Variants in ABCC12 observed in about 807,000 individuals in gnomAD.
ABCC12 encodes ATP-binding cassette sub-family C member 12.
ABCC12 carries 142 observed loss-of-function variants against 151.1 expected under a neutral mutation model. The ratio of observed to expected loss-of-function variants is 0.94; its 90% CI spans 0.82 to 1.08. The LOEUF is 1.08. Ranked by LOEUF, ABCC12 falls within the 50% of genes least tolerant of loss-of-function variation. ABCC12 has a pLI of 0.00. For synonymous variants in ABCC12, 645 were observed against 646.4 expected (o/e 1.00, Z 0.03); for missense variants, 1,638 against 1,691.1 (o/e 0.97, Z 0.55).
At chr16:48,121,991 G>A (rs776866608) in intron 12 of ABCC12, 151 bp from the exon 13 acceptor site, 9 of 1,144,120 alleles carry the variant, frequency 7.9e-6, no homozygotes, top group Non-Finnish European at 9.7e-6. Context: ...GCACCAGAAA[G>A]CCCAACCATG....
chr16:48,125,591 T>C (rs1313521658), intron 11 of ABCC12, among the ~76,000 whole-genome samples: 2 of 152,188 alleles, frequency 1.3e-5, no homozygotes, highest in Non-Finnish European at 2.9e-5. Flanking sequence ...ATGTGGAGAC[T>C]GACGTGTAAG....
intron 24 of ABCC12, among the ~76,000 whole-genome samples, chr16:48,092,190 G>A (rs1428759776): frequency 6.6e-6 from 1 of 152,244 alleles, no homozygotes; most frequent in Non-Finnish European, 1.5e-5. Context: ...CTTGTTTGAA[G>A]CCTGCAAGCA....
intron 8 of ABCC12, among the ~76,000 whole-genome samples, chr16:48,135,991 C>A (rs1373401139): frequency 6.6e-6 from 1 of 151,926 alleles, no homozygotes; most frequent in Admixed American, 6.6e-5. Flanking sequence ...CTCTGCTCAA[C>A]ACTTCACAGG....
chr16:48,111,724 T>C (rs1963698420), intron 16 of ABCC12, 52 bp downstream of exon 16: 1 of 1,613,998 alleles, frequency 6.2e-7, no homozygotes, highest in South Asian at 1.1e-5. Context: ...AGGCACGAAA[T>C]CCTGAGGGAT....
At chr16:48,133,587 G>T in intron 9 of ABCC12, 100 bp downstream of exon 9, 12 of 1,324,098 alleles carry the variant, frequency 9.1e-6, no homozygotes, top group African/African-American at 1.5e-5. Context: ...ATGATTGGAT[G>T]TTCCTAATGC....
chr16:48,085,762 G>A, intron 28 of ABCC12, 56 bp from the exon 29 acceptor site: 2 of 1,435,624 alleles, frequency 1.4e-6, no homozygotes, highest in Non-Finnish European at 2.0e-6. Context: ...ATTGTCCTAT[G>A]CTGTCTGTAT....
At chr16:48,092,430 A>C (rs1405935045) in intron 24 of ABCC12, among the ~76,000 whole-genome samples, 4 of 152,242 alleles carry the variant, frequency 2.6e-5, no homozygotes, top group African/African-American at 9.6e-5. Flanking sequence ...CAGGGTACAC[A>C]GGGCTACAGA....
chr16:48,154,370 AT>A (rs1421260451), intron 1 of ABCC12, among the ~76,000 whole-genome samples: 1 of 152,110 alleles, frequency 6.6e-6, no homozygotes, highest in East Asian at 1.9e-4. Flanking sequence ...GAGATACCAC[AT>A]TAAAAAAAAA....
chr16:48,141,476 T>G, intron 4 of ABCC12, 123 bp from the exon 5 acceptor site: 1 of 1,277,218 alleles, frequency 7.8e-7, no homozygotes, highest in Non-Finnish European at 1.1e-6. Context: ...AGTGGTGCCT[T>G]CCAGCACTGG....
chr16:48,114,143 G>A (rs1963794927), intron 15 of ABCC12, among the ~76,000 whole-genome samples: 1 of 152,186 alleles, frequency 6.6e-6, no homozygotes, highest in South Asian at 2.1e-4. Flanking sequence ...GATGCTTCCT[G>A]GAGGTGCTCA....
At position 48,133,690 on chromosome 16, in the gene ABCC12, G is replaced by T; in HGVS notation, c.1125C>A (p.Pro375=). 1.2e-6 allele frequency: 2 copies of T among 1,613,812 alleles called. No individual in the cohort carries two copies. The highest frequency in any genetic ancestry group is 1.7e-6 in the Non-Finnish European group (2 of 1,179,910). ...HILLRRKLTA[P]VAFSVIAMFN... ...TCGATCTGGAGCCAGCTCTTACCAC[G>T]GGTGCGGTGAGTTTGCGTCTCAGGA... is the stretch of plus-strand genomic sequence containing the variant. Residue 375 remains proline, a synonymous_variant, in exon 9 of 31, where the codon CCC becomes CCA. Coordinates refer to ENST00000311303, the MANE Select transcript of ABCC12 (RefSeq NM_001393797.1).
At chr16:48,143,437 T>C (rs1964888991) in intron 4 of ABCC12, among the ~76,000 whole-genome samples, 3 of 152,206 alleles carry the variant, frequency 2.0e-5, no homozygotes, top group Admixed American at 2.0e-4. Context: ...TCATTTTCCA[T>C]GTTGGGGAAA....
Position 48,083,739 on chromosome 16 carries a change from T to C in ABCC12, c.4056A>G (p.Leu1352=). The part of the protein sequence containing the change: ...AEKPDSAFAM[L]LAAEVRL Reference sequence around the variant, plus strand: ...TCTACAATCTGACTTCTGCTGCTAGTAACATCGCAAATGCAGAATCTGGCT... The same window carrying C: ...TCTACAATCTGACTTCTGCTGCTAGCAACATCGCAAATGCAGAATCTGGCT... Residue 1352 remains leucine, a synonymous_variant, in exon 31 of 31, where the codon TTA becomes TTG. Transcript: ENST00000311303. 1 of 1,614,204 alleles carries C rather than the reference T, an allele frequency of 6.2e-7. No homozygotes were observed. Among genetic ancestry groups the C allele is most frequent in the African/African-American group, 1.3e-5 (1 of 75,062 alleles).
intron 13 of ABCC12, 58 bp downstream of exon 13, chr16:48,121,658 C>T (rs1964071976): frequency 1.2e-6 from 2 of 1,603,170 alleles, no homozygotes; most frequent in African/African-American, 2.7e-5. Context: ...GCATCAGCAT[C>T]TGTAGGAGAG....
In ABCC12 at chr16:48,128,451, ACACC is replaced by A. The variant is rs765669508; in HGVS notation, c.1515+4_1515+7del. On this transcript the variant is annotated splice_donor_5th_base_variant and intron_variant, in intron 11 of 30. Coordinates refer to ENST00000311303, the MANE Select transcript of ABCC12 (RefSeq NM_001393797.1). ...GCTGGAGGCCACACCTGTGCAACAC[ACACC>A]CACCTTTCTCACCACAAAGCTTATG... The A allele has an allele frequency of 1.9e-6, 3 of 1,613,374 alleles. No individual in the cohort carries two copies. The East Asian group carries it at 6.7e-5, about 36-fold the overall frequency.
rs1297706881 is a variant in ABCC12, at chr16:48,128,465, C to T, written c.1509G>A (p.Val503=). The T allele has an allele frequency of 3.1e-6, 5 of 1,613,618 alleles. No homozygotes were observed. The highest frequency in any genetic ancestry group is 3.3e-4 in the Middle Eastern group (2 of 6,076). ...KSVLHSISFV[V]RKGKILGICG... The stretch of plus-strand genomic sequence containing the variant: ...CTGTGCAACACACACCCACCTTTCT[C>T]ACCACAAAGCTTATGCTGTGCAGAA... Residue 503 remains valine, a synonymous_variant, in exon 11 of 31, where the codon GTG becomes GTA. Transcript: ENST00000311303.
rs1309574249 is a variant in ABCC12 at position 48,098,130 on chromosome 16, CACACACACAG to C, written c.3039-1238_3039-1229del. On this transcript the variant is annotated intron_variant, in intron 23 of 30. Transcript: ENST00000311303. Reference sequence around the variant, plus strand: ...ACACACACACACACACACACACACACACACACACAGCATAGCCTTGCCACACCAAGCCTCT... The same window carrying C: ...ACACACACACACACACACACACACACCATAGCCTTGCCACACCAAGCCTCT... Among the ~76,000 whole-genome samples, 1,272 of 150,464 alleles carry C rather than the reference CACACACACAG, an allele frequency of 8.5e-3. 18 individuals are homozygous for C. Among genetic ancestry groups the C allele is most frequent in the African/African-American group, 0.03 (1,218 of 40,940 alleles).
chr16:48,134,964 A>G (rs1484525600), intron 8 of ABCC12, among the ~76,000 whole-genome samples: 1 of 151,496 alleles, frequency 6.6e-6, no homozygotes, highest in Non-Finnish European at 1.5e-5. Flanking sequence ...AGGCAGGAGA[A>G]TGGCATGAAC....
intron 10 of ABCC12, 120 bp downstream of exon 10, chr16:48,130,668 C>T: frequency 1.4e-6 from 1 of 696,806 alleles, no homozygotes; most frequent in South Asian, 1.7e-5. Context: ...GCCCTCCTCC[C>T]AATGTCAACT....
Sources: gnomAD v4.1 joint callset for allele counts (sites outside exome capture counted in the v4.1 genomes callset) on GRCh38, gnomAD v4.1.1 for gene constraint, MANE v1.5 for transcripts, NCBI Gene and HGNC (gene_info 2026-07-23, HGNC 2026-07-21) for gene names.